The following SNX29 variants were observed in gnomAD, a reference collection of about 807,000 sequenced individuals.
SNX29 encodes sorting nexin 29, also known as sorting nexin-29.
Under a neutral mutation model 102.1 loss-of-function variants are expected in SNX29, and 78 were observed. The observed-to-expected ratio is 0.76, with a 90% CI of 0.64 to 0.92. The LOEUF (loss-of-function observed/expected upper bound fraction) is 0.92, where lower values mean the gene tolerates loss of function less well. Among genes scored for constraint, SNX29 ranks in the 40% least tolerant of loss-of-function variants. The pLI is 0.00. For synonymous variants in SNX29, 580 were observed against 414.5 expected (o/e 1.40, Z -4.85); for missense variants, 1,280 against 1,061.7 (o/e 1.21, Z -2.86).
intron 18 of SNX29, among the ~76,000 whole-genome samples, chr16:12,422,658 A>C (rs566365701): frequency 6.6e-6 from 1 of 152,172 alleles, no homozygotes; most frequent in Admixed American, 6.5e-5. Context: ...CCACTGTCCC[A>C]TGCTCTCAAG....
chr16:12,462,013 G>A (rs56376151), intron 18 of SNX29, among the ~76,000 whole-genome samples: 1,550 of 35,598 alleles, frequency 0.044, 12 homozygotes, highest in African/African-American at 0.05. Context: ...ATATATATAT[G>A]TATACACACA....
At chr16:12,401,602 G>T (rs2083946630) in intron 17 of SNX29, among the ~76,000 whole-genome samples, 1 of 152,158 alleles carries the variant, frequency 6.6e-6, no homozygotes, top group Middle Eastern at 3.4e-3. Context: ...GACCTCAGAT[G>T]ATCCACCTTC....
intron 19 of SNX29, among the ~76,000 whole-genome samples, chr16:12,511,076 A>T (rs1481258270): frequency 2.0e-5 from 3 of 152,180 alleles, no homozygotes; most frequent in African/African-American, 7.2e-5. Context: ...TTCTGTTGAG[A>T]CATAAAGATG....
At chr16:12,181,276 A>G (rs1367401278) in intron 13 of SNX29, among the ~76,000 whole-genome samples, 1 of 152,208 alleles carries the variant, frequency 6.6e-6, no homozygotes, top group African/African-American at 2.4e-5. Flanking sequence ...TCCCGAGGAC[A>G]TGTGCCCAAG....
In SNX29 at chr16:12,389,438, C is replaced by T. The variant is rs117972810; in HGVS notation, c.1900-9008C>T. 2.0e-4 allele frequency among the ~76,000 whole-genome samples: 31 copies of T among 152,134 alleles called. No individual in the cohort carries two copies. The East Asian group carries it at 4.8e-3, about 24-fold the overall frequency. On this transcript the variant is annotated intron_variant, in intron 16 of 20. Coordinates refer to ENST00000566228, the MANE Select transcript of SNX29 (RefSeq NM_032167.5). ...ATCTGAGGGTTTTATAAGGAGTTTC[C>T]GCTTTCGCTTGGCTCTCATTCTCCT...
intron 13 of SNX29, chr16:12,135,649 T>G: frequency 7.6e-7 from 1 of 1,315,156 alleles, no homozygotes. Context: ...GATAGTCTCA[T>G]TTGAGCTCCT....
At chr16:12,494,068 C>T (rs2088685150) in intron 19 of SNX29, among the ~76,000 whole-genome samples, 1 of 152,128 alleles carries the variant, frequency 6.6e-6, no homozygotes, top group Admixed American at 6.5e-5. Flanking sequence ...TTTCTGGATG[C>T]CATCCTTTGT....
intron 13 of SNX29, among the ~76,000 whole-genome samples, chr16:12,180,706 C>T (rs1160335250): frequency 1.3e-5 from 2 of 152,112 alleles, no homozygotes; most frequent in African/African-American, 2.4e-5. Context: ...AGGATGGTCT[C>T]GATCTCTTGA....
chr16:12,397,501 G>A (rs2083763280), intron 16 of SNX29, among the ~76,000 whole-genome samples: 1 of 152,126 alleles, frequency 6.6e-6, no homozygotes, highest in African/African-American at 2.4e-5. Flanking sequence ...TGGAAACCCT[G>A]AGAGGTAAAA....
At position 12,258,188 on chromosome 16, in the gene SNX29, T is replaced by C. The variant is rs561114017; in HGVS notation, c.1679-19745T>C. 1.7e-4 allele frequency among the ~76,000 whole-genome samples: 26 copies of C among 152,230 alleles called. No individual in the cohort carries two copies. In the East Asian group the frequency reaches 4.8e-3, roughly 28 times the overall value. ...CAACAGCTTTGCCTCATCCTGAGAATAAGATATGAAGTTTCCCCTGCAGCC... is the reference window on the plus strand; with the variant it reads ...CAACAGCTTTGCCTCATCCTGAGAACAAGATATGAAGTTTCCCCTGCAGCC... On this transcript the variant is annotated intron_variant, in intron 14 of 20. Coordinates refer to ENST00000566228, the MANE Select transcript of SNX29 (RefSeq NM_032167.5).
chr16:12,053,511 A>G (rs2050392758), intron 8 of SNX29, among the ~76,000 whole-genome samples: 1 of 152,110 alleles, frequency 6.6e-6, no homozygotes, highest in South Asian at 2.1e-4. Flanking sequence ...CCTGGGCAAC[A>G]CAGCAAGACT....
At chr16:11,985,410 GGGAATATAT>G (rs2150969106) in intron 1 of SNX29, among the ~76,000 whole-genome samples, 1 of 152,326 alleles carries the variant, frequency 6.6e-6, no homozygotes, top group Admixed American at 6.5e-5. Flanking sequence ...TCAACAGCAT[GGGAATATAT>G]GGTGTCTTGT....
At chr16:12,008,973 C>A (rs937968902) in intron 3 of SNX29, among the ~76,000 whole-genome samples, 1 of 151,848 alleles carries the variant, frequency 6.6e-6, no homozygotes, top group Non-Finnish European at 1.5e-5. Context: ...AACACCTGAC[C>A]TCAAGTGATC....
rs145489227 is a variant in SNX29, at chr16:12,566,609, T to G, written c.2319-1897T>G. Among the ~76,000 whole-genome samples, 17 of 152,258 alleles carry G rather than the reference T, an allele frequency of 1.1e-4. No homozygotes were observed. In the East Asian group the frequency reaches 3.3e-3, roughly 29 times the overall value. ...AGCCTTCCTGTATCTAAGAATCAGT[T>G]CCCCTACACTGCAAGCAAAGACCTC... On this transcript the variant is annotated intron_variant, in intron 20 of 20. Transcript: ENST00000566228.
chr16:12,540,014 G>T (rs554174178), intron 20 of SNX29, among the ~76,000 whole-genome samples: 1 of 152,280 alleles, frequency 6.6e-6, no homozygotes, highest in East Asian at 1.9e-4. Context: ...TCTTTTGCAT[G>T]ACACCTTTTT....
chr16:12,172,161 G>A (rs2076164074), intron 13 of SNX29, among the ~76,000 whole-genome samples: 1 of 152,146 alleles, frequency 6.6e-6, no homozygotes, highest in South Asian at 2.1e-4. Context: ...ATGCAAATCG[G>A]TACCTGGTGG....
intron 19 of SNX29, among the ~76,000 whole-genome samples, chr16:12,505,597 G>T (rs926833674): frequency 1.3e-5 from 2 of 152,080 alleles, no homozygotes; most frequent in African/African-American, 2.4e-5. Context: ...AAGCAGATTC[G>T]CATAGTTAGC....
chr16:12,041,216 A>G (rs1353222476), intron 4 of SNX29, among the ~76,000 whole-genome samples: 1 of 151,986 alleles, frequency 6.6e-6, no homozygotes, highest in Non-Finnish European at 1.5e-5. Flanking sequence ...GGTTCAAATG[A>G]TTCTCCTGCC....
intron 13 of SNX29, among the ~76,000 whole-genome samples, chr16:12,156,868 G>A (rs758827159): frequency 1.1e-4 from 17 of 152,198 alleles, no homozygotes; most frequent in Non-Finnish European, 2.4e-4. Flanking sequence ...GCTCGGGTGT[G>A]TGTAGATGCA....
Sources: gnomAD v4.1 joint callset for allele counts (sites outside exome capture counted in the v4.1 genomes callset) on GRCh38, gnomAD v4.1.1 for gene constraint, MANE v1.5 for transcripts, NCBI Gene and HGNC (gene_info 2026-07-23, HGNC 2026-07-21) for gene names.